NALF1: variants seen among roughly 807,000 people sequenced by gnomAD.
The protein encoded by NALF1 is NALCN channel auxiliary factor 1, also known as family with sequence similarity 155 member A.
NALF1 carries 3 observed loss-of-function variants against 48.4 expected under a neutral mutation model. The observed-to-expected ratio is 0.06, with a 90% confidence interval of 0.03 to 0.16. NALF1 has a LOEUF of 0.16. NALF1 is among the 10% of genes least tolerant of loss of function. The pLI, the probability that NALF1 is intolerant of heterozygous loss-of-function variation, is 1.00. For synonymous variants in NALF1, 262 were observed against 245.7 expected, an observed-to-expected ratio of 1.07 and a Z score of -0.62; for missense variants, 526 against 571.5, an observed-to-expected ratio of 0.92 and a Z score of 0.81.
At chr13:107,716,134 A>G (rs1875809742) in intron 1 of NALF1, among the ~76,000 whole-genome samples, 1 of 152,170 alleles carries the variant, frequency 6.6e-6, no homozygotes, top group Non-Finnish European at 1.5e-5. Context: ...TCCCCCATCA[A>G]TGCTTCCATC....
intron 1 of NALF1, among the ~76,000 whole-genome samples, chr13:107,509,954 G>A (rs1479457686): frequency 6.6e-6 from 1 of 151,976 alleles, no homozygotes; most frequent in Non-Finnish European, 1.5e-5. Context: ...CCACAGGTAT[G>A]CGCCACCATG....
chr13:107,710,539 C>T (rs1875538513), intron 1 of NALF1, among the ~76,000 whole-genome samples: 1 of 149,382 alleles, frequency 6.7e-6, no homozygotes, highest in Non-Finnish European at 1.5e-5. Flanking sequence ...AAAATCATGG[C>T]AGAAGGCAAA....
At chr13:107,503,045 A>G (rs1210234107) in intron 1 of NALF1, among the ~76,000 whole-genome samples, 3 of 152,146 alleles carry the variant, frequency 2.0e-5, no homozygotes, top group Admixed American at 6.6e-5. Flanking sequence ...CAGACTGGTT[A>G]TGTTTACCAC....
intron 1 of NALF1, among the ~76,000 whole-genome samples, chr13:107,533,756 T>G (rs558791592): frequency 7.2e-5 from 11 of 152,024 alleles, no homozygotes; most frequent in Admixed American, 4.6e-4. Context: ...AAATCTGTCT[T>G]TTGTTGAGGG....
intron 1 of NALF1, among the ~76,000 whole-genome samples, chr13:107,607,568 A>G (rs1594157034): frequency 6.6e-6 from 1 of 152,176 alleles, no homozygotes; most frequent in African/African-American, 2.4e-5. Context: ...AATATACACT[A>G]AACAGAGGGT....
chr13:107,447,711 G>C (rs1336210623), intron 1 of NALF1, among the ~76,000 whole-genome samples: 1 of 152,142 alleles, frequency 6.6e-6, no homozygotes, highest in Non-Finnish European at 1.5e-5. Flanking sequence ...TGTGTCTTCT[G>C]TCCAGCTAAT....
At chr13:107,367,433 C>T (rs1672201006) in intron 1 of NALF1, among the ~76,000 whole-genome samples, 1 of 152,122 alleles carries the variant, frequency 6.6e-6, no homozygotes, top group Non-Finnish European at 1.5e-5. Context: ...AGCTGGAGGA[C>T]AAAGTCTTGT....
chr13:107,430,434 T>A (rs915150886), intron 1 of NALF1, among the ~76,000 whole-genome samples: 81 of 152,118 alleles, frequency 5.3e-4, no homozygotes, highest in African/African-American at 1.9e-3. Flanking sequence ...ATGCTATCCC[T>A]TCCCCCTCCC....
chr13:107,292,172 C>T (rs986833185), intron 1 of NALF1, among the ~76,000 whole-genome samples: 1 of 151,888 alleles, frequency 6.6e-6, no homozygotes, highest in Non-Finnish European at 1.5e-5. Flanking sequence ...CAGGCAAATG[C>T]AAAACAATGT....
intron 1 of NALF1, among the ~76,000 whole-genome samples, chr13:107,507,401 T>A (rs1265716509): frequency 6.6e-6 from 1 of 152,014 alleles, no homozygotes; most frequent in East Asian, 1.9e-4. Flanking sequence ...GAGATTCATG[T>A]ATTTTATATG....
At chr13:107,386,813 T>C (rs569867224) in intron 1 of NALF1, among the ~76,000 whole-genome samples, 122 of 152,174 alleles carry the variant, frequency 8.0e-4, no homozygotes, top group African/African-American at 2.9e-3. Context: ...GCCGAGAGCT[T>C]AGAGGCCAAA....
chr13:107,230,718 A>G (rs1158807237), intron 1 of NALF1, among the ~76,000 whole-genome samples: 1 of 152,242 alleles, frequency 6.6e-6, no homozygotes, highest in South Asian at 2.1e-4. Flanking sequence ...TAGCTGGGCC[A>G]GGAAGAGATA....
rs1566470665 is a variant in NALF1 at position 107,271,793 on chromosome 13, TATATATATATATA to T, written c.916-61051_916-61039del. 1.4e-3 allele frequency among the ~76,000 whole-genome samples: 180 copies of T among 126,346 alleles called. 2 individuals carry two copies. Among genetic ancestry groups the T allele is most frequent in the Middle Eastern group, 7.5e-3 (2 of 266 alleles). 82.9% of individuals were successfully genotyped at this position (126,346 alleles called of 152,430 possible). A position where few individuals can be genotyped will look rare whatever the true frequency, so the allele number is the denominator to read the frequency against. ...ACTGGACTATATATATATATATATA[TATATATATATATA>T]TATATATATATTTATATATTTATAT... On this transcript the variant is annotated intron_variant, in intron 1 of 2. Coordinates refer to ENST00000375915, the MANE Select transcript of NALF1 (RefSeq NM_001080396.3).
At chr13:107,265,529 C>T (rs908238716) in intron 1 of NALF1, among the ~76,000 whole-genome samples, 35 of 152,146 alleles carry the variant, frequency 2.3e-4, no homozygotes, top group Non-Finnish European at 4.3e-4. Flanking sequence ...AAGCAATTTT[C>T]CTGTCTCAGT....
chr13:107,655,901 AAGT>A (rs1880562039), intron 1 of NALF1, among the ~76,000 whole-genome samples: 1 of 152,048 alleles, frequency 6.6e-6, no homozygotes, highest in Non-Finnish European at 1.5e-5. Context: ...CAAAAACATA[AAGT>A]GGGGAAAGGA....
intron 1 of NALF1, among the ~76,000 whole-genome samples, chr13:107,290,515 G>A (rs1023145256): frequency 5.3e-5 from 8 of 152,106 alleles, no homozygotes; most frequent in Admixed American, 2.6e-4. Flanking sequence ...TTCCCCTTTC[G>A]CTTGGCTCTC....
chr13:107,285,841 T>C (rs535702837), intron 1 of NALF1, among the ~76,000 whole-genome samples: 4 of 152,086 alleles, frequency 2.6e-5, no homozygotes, highest in Admixed American at 1.3e-4. Flanking sequence ...GGTGATAATA[T>C]GTGAAAGTGT....
intron 1 of NALF1, among the ~76,000 whole-genome samples, chr13:107,645,860 C>T (rs1291916139): frequency 2.6e-5 from 4 of 152,044 alleles, no homozygotes; most frequent in African/African-American, 7.2e-5. Flanking sequence ...TTCTCATTCC[C>T]GAGTATCATA....
intron 1 of NALF1, among the ~76,000 whole-genome samples, chr13:107,551,933 A>G (rs990831293): frequency 5.3e-5 from 8 of 152,162 alleles, no homozygotes; most frequent in African/African-American, 1.2e-4. Flanking sequence ...ATCAGAATCT[A>G]TTTAAGCTTT....
Sources: gnomAD v4.1 joint callset for allele counts (sites outside exome capture counted in the v4.1 genomes callset) on GRCh38, gnomAD v4.1.1 for gene constraint, MANE v1.5 for transcripts, NCBI Gene and HGNC (gene_info 2026-07-23, HGNC 2026-07-21) for gene names.